Variants in ARHGEF12 observed in about 807,000 individuals in gnomAD.
ARHGEF12 encodes Rho guanine nucleotide exchange factor 12.
Under a neutral mutation model 211.2 loss-of-function variants are expected in ARHGEF12, and 66 were observed. That is an observed-to-expected ratio of 0.31 (90% CI 0.26 to 0.38). ARHGEF12 has a LOEUF of 0.38. Ranked by LOEUF, ARHGEF12 falls within the 10% of genes least tolerant of loss-of-function variation. The pLI is 1.00. For synonymous variants in ARHGEF12, 592 were observed against 638.4 expected, an observed-to-expected ratio of 0.93 and a Z score of 1.09; for missense variants, 1,429 against 1,869.5, an observed-to-expected ratio of 0.76 and a Z score of 4.34.
At chr11:120,451,454 G>A in intron 21 of ARHGEF12, 58 bp from the exon 22 acceptor site, 1 of 1,563,580 alleles carries the variant, frequency 6.4e-7, no homozygotes, top group Non-Finnish European at 8.7e-7. Context: ...TGGGATTATA[G>A]GCTTGAGCCA....
rs931684419 is a variant in ARHGEF12, at chr11:120,457,312, A to G, written c.2189+62A>G. On this transcript the variant is annotated intron_variant, in intron 23 of 40. Transcript: ENST00000397843. ...ACTTAAAGTTTTTAAATTATATGCTATTCCTATACTTAGTAGCATTCTAGC... is the reference window on the plus strand; with the variant it reads ...ACTTAAAGTTTTTAAATTATATGCTGTTCCTATACTTAGTAGCATTCTAGC... 9.5e-6 allele frequency: 15 copies of G among 1,575,376 alleles called. No individual in the cohort carries two copies. The African/African-American group carries it at 1.8e-4, about 18-fold the overall frequency.
At chr11:120,459,401 C>A in intron 26 of ARHGEF12, 81 bp downstream of exon 26, 1 of 1,413,784 alleles carries the variant, frequency 7.1e-7, no homozygotes, top group South Asian at 1.3e-5. Context: ...TGTAAATGTA[C>A]CCATGTTAGT....
intron 4 of ARHGEF12, among the ~76,000 whole-genome samples, chr11:120,415,870 A>G (rs746102295): frequency 6.6e-6 from 1 of 152,370 alleles, no homozygotes; most frequent in East Asian, 1.9e-4. Flanking sequence ...TTTAAAGTAC[A>G]TGTTAAAGTA....
intron 1 of ARHGEF12, among the ~76,000 whole-genome samples, chr11:120,391,560 C>T (rs1397461265): frequency 1.3e-5 from 2 of 152,232 alleles, no homozygotes; most frequent in South Asian, 2.1e-4. Flanking sequence ...AAAGCCCTGA[C>T]ATCAGCTCTT....
intron 39 of ARHGEF12, among the ~76,000 whole-genome samples, chr11:120,483,828 A>G (rs1033105235): frequency 5.9e-5 from 9 of 151,878 alleles, no homozygotes; most frequent in African/African-American, 2.2e-4. Context: ...GTTAGCCTGG[A>G]TGGTCTCGAT....
At chr11:120,361,204 A>T (rs900222339) in intron 1 of ARHGEF12, among the ~76,000 whole-genome samples, 1 of 152,352 alleles carries the variant, frequency 6.6e-6, no homozygotes. Flanking sequence ...GCTGCACAGC[A>T]GGAGGTGAGC....
In ARHGEF12 at chr11:120,451,163, C is replaced by T. The variant is rs183395512; in HGVS notation, c.1844-349C>T. The stretch of plus-strand genomic sequence containing the variant: ...TTTTGCTTTTAGCTAATTTGCAATG[C>T]AGATTATTTTATTTATTTTATTTAT... On this transcript the variant is annotated intron_variant, in intron 21 of 40. Transcript: ENST00000397843. The T allele has an allele frequency of 5.2e-4, 92 of 176,554 alleles. 1 individual carries two copies. The highest frequency in any genetic ancestry group is 2.1e-3 in the African/African-American group (89 of 41,914). The allele number at this position is 176,554 out of a possible 1,614,324, so 10.9% of individuals were successfully genotyped here. A position where few individuals can be genotyped will look rare whatever the true frequency, so the allele number is the denominator to read the frequency against.
chr11:120,486,837 G>A lies in ARHGEF12; in HGVS notation c.*1760G>A, dbSNP rs1445020383. ...TGTCCTAAATTGATCTGTGTTTTTAGGTGGATCAACTTGGATCTTTAGACC... is the reference window on the plus strand; with the variant it reads ...TGTCCTAAATTGATCTGTGTTTTTAAGTGGATCAACTTGGATCTTTAGACC... On this transcript the variant is annotated 3_prime_UTR_variant, in exon 41 of 41. Transcript: ENST00000397843. The A allele has an allele frequency of 9.3e-6, 2 of 216,182 alleles. No homozygotes were observed. The highest frequency in any genetic ancestry group is 6.9e-5 in the East Asian group (1 of 14,440). The allele number at this position is 216,182 out of a possible 1,614,324, so 13.4% of individuals were successfully genotyped here.
At chr11:120,356,066 T>A (rs1469201911) in intron 1 of ARHGEF12, among the ~76,000 whole-genome samples, 1 of 152,232 alleles carries the variant, frequency 6.6e-6, no homozygotes, top group Non-Finnish European at 1.5e-5. Flanking sequence ...TCAAAAACAA[T>A]CCAACATTTG....
At chr11:120,466,506 G>A (rs1181987884) in intron 28 of ARHGEF12, among the ~76,000 whole-genome samples, 1 of 152,158 alleles carries the variant, frequency 6.6e-6, no homozygotes, top group Non-Finnish European at 1.5e-5. Context: ...ATCATGTGGT[G>A]GCAACCTAAT....
chr11:120,386,073 A>G (rs967823656), intron 1 of ARHGEF12, among the ~76,000 whole-genome samples: 3 of 152,154 alleles, frequency 2.0e-5, no homozygotes, highest in Admixed American at 1.3e-4. Flanking sequence ...CATGGCACCA[A>G]TCTTATCAAC....
intron 1 of ARHGEF12, among the ~76,000 whole-genome samples, chr11:120,384,676 T>C (rs1943975847): frequency 6.6e-6 from 1 of 152,182 alleles, no homozygotes; most frequent in Non-Finnish European, 1.5e-5. Context: ...GTTTGAGACC[T>C]GGGAAGATTC....
intron 22 of ARHGEF12, among the ~76,000 whole-genome samples, chr11:120,454,712 G>T (rs1159606896): frequency 1.3e-5 from 2 of 152,262 alleles, no homozygotes; most frequent in African/African-American, 4.8e-5. Flanking sequence ...TCAGGTGGCT[G>T]TTGGCAGGAG....
At chr11:120,459,606 A>G (rs896743518) in intron 26 of ARHGEF12, among the ~76,000 whole-genome samples, 2 of 152,114 alleles carry the variant, frequency 1.3e-5, no homozygotes, top group African/African-American at 2.4e-5. Context: ...TATAGTATAT[A>G]TATCTCTTTA....
At position 120,458,176 on chromosome 11, in the gene ARHGEF12, T is replaced by C; in HGVS notation, c.2322T>C (p.Ser774=). 2 of 1,613,296 alleles carry C rather than the reference T, an allele frequency of 1.2e-6. No individual in the cohort carries two copies. Among genetic ancestry groups the C allele is most frequent in the Non-Finnish European group, 1.7e-6 (2 of 1,179,780 alleles). Residue 774 remains serine (S), a synonymous_variant, in exon 25 of 41, where the codon AGT becomes AGC. Transcript: ENST00000397843. ...TDPPNWQQLV[S]REVLLGLKPC... is the part of the protein sequence containing the mutation. ...CACCCAACTGGCAGCAGCTTGTTAGTCGAGAAGTGTTACTGGGACTAAAAC... is the reference window on the plus strand; with the variant it reads ...CACCCAACTGGCAGCAGCTTGTTAGCCGAGAAGTGTTACTGGGACTAAAAC...
chr11:120,427,205 C>T (rs1265201053), intron 7 of ARHGEF12, among the ~76,000 whole-genome samples: 2 of 151,906 alleles, frequency 1.3e-5, no homozygotes, highest in Admixed American at 6.6e-5. Context: ...TGTCTAGATT[C>T]CCGCCCCCCG....
chr11:120,453,027 A>C (rs1434006665), intron 22 of ARHGEF12, among the ~76,000 whole-genome samples: 1 of 150,782 alleles, frequency 6.6e-6, no homozygotes, highest in South Asian at 2.2e-4. Context: ...ACAAAAAAAA[A>C]CGACAAGATA....
chr11:120,351,436 TATATATATATATATATATA>T (rs1188294000), intron 1 of ARHGEF12, among the ~76,000 whole-genome samples: 103 of 3,586 alleles, frequency 0.029, 1 homozygote, highest in Admixed American at 0.097. Flanking sequence ...TATATATATA[TATATATATATATATATATA>T]TTTTTTTTTT....
chr11:120,357,713 G>C (rs1943167873), intron 1 of ARHGEF12, among the ~76,000 whole-genome samples: 1 of 152,158 alleles, frequency 6.6e-6, no homozygotes, highest in South Asian at 2.1e-4. Flanking sequence ...GGAATTACAA[G>C]CACGTGCCAC....
Sources: allele counts gnomAD v4.1 joint callset (sites outside exome capture counted in the v4.1 genomes callset), GRCh38; gene constraint gnomAD v4.1.1; transcripts MANE v1.5; gene names NCBI Gene and HGNC (gene_info 2026-07-23, HGNC 2026-07-21).